The following CYTH3 variants were observed in gnomAD, a reference collection of about 807,000 sequenced individuals.
CYTH3 encodes the protein cytohesin 3.
CYTH3 carries 23 observed loss-of-function variants against 55.1 expected under a neutral mutation model. That is an observed-to-expected ratio of 0.42 (90% CI 0.30 to 0.59). The LOEUF is 0.59. CYTH3 is among the 20% of genes least tolerant of loss of function. CYTH3 has a pLI of 0.20. For missense variants in CYTH3, 413 were observed against 524.8 expected, an observed-to-expected ratio of 0.79 and a Z score of 2.08; for synonymous variants, 249 against 194.9, an observed-to-expected ratio of 1.28 and a Z score of -2.31.
intron 1 of CYTH3, among the ~76,000 whole-genome samples, chr7:6,259,214 C>G (rs1780214466): frequency 6.6e-6 from 1 of 152,164 alleles, no homozygotes; most frequent in Non-Finnish European, 1.5e-5. Flanking sequence ...CACTAATTAC[C>G]TAGATATTGG....
intron 1 of CYTH3, among the ~76,000 whole-genome samples, chr7:6,252,619 C>CAACAAAAAAGCTACAGCTG (rs1780002267): frequency 1.3e-5 from 2 of 151,980 alleles, no homozygotes; most frequent in Non-Finnish European, 2.9e-5. Context: ...ACATGAACAA[C>CAACAAAAAAGCTACAGCTG]AACAAAAAAG....
At chr7:6,242,525 C>T (rs1026570027) in intron 1 of CYTH3, among the ~76,000 whole-genome samples, 1 of 150,486 alleles carries the variant, frequency 6.6e-6, no homozygotes, top group Non-Finnish European at 1.5e-5. Context: ...TACAGGCACT[C>T]GTCACCACAC....
chr7:6,253,148 G>T (rs1414028016), intron 1 of CYTH3, among the ~76,000 whole-genome samples: 3 of 151,572 alleles, frequency 2.0e-5, no homozygotes, highest in African/African-American at 7.3e-5. Context: ...ATGCAATCTA[G>T]TCTATAGGAT....
intron 1 of CYTH3, among the ~76,000 whole-genome samples, chr7:6,221,135 C>G (rs1295812355): frequency 3.3e-5 from 5 of 152,096 alleles, no homozygotes; most frequent in African/African-American, 4.8e-5. Flanking sequence ...TCGTAATATC[C>G]TAAGACTGGA....
At chr7:6,189,068 T>C (rs1783731543) in intron 2 of CYTH3, among the ~76,000 whole-genome samples, 2 of 152,204 alleles carry the variant, frequency 1.3e-5, no homozygotes, top group South Asian at 4.1e-4. Flanking sequence ...GCAATGACAA[T>C]GACTAGAAAG....
chr7:6,238,373 G>A (rs1278679546), intron 1 of CYTH3, among the ~76,000 whole-genome samples: 1 of 151,998 alleles, frequency 6.6e-6, no homozygotes. Flanking sequence ...AAGAACAAAA[G>A]GACAGAGAAA....
Position 6,192,935 on chromosome 7 carries a change from C to A in CYTH3, c.35-2404G>T, listed in dbSNP as rs1368188951. On this transcript the variant is annotated intron_variant, in intron 1 of 12. Transcript: ENST00000350796. ...CCTGTAAGCCCAGCACTTTGGGAGG[C>A]AGAGACAGGTGGATCACCTGAGGTC... Among the ~76,000 whole-genome samples the A allele has an allele frequency of 5.3e-5, 8 of 151,690 alleles. No homozygotes were observed. The East Asian group carries it at 1.6e-3, about 30-fold the overall frequency.
At chr7:6,257,107 G>T (rs897925841) in intron 1 of CYTH3, among the ~76,000 whole-genome samples, 2 of 152,096 alleles carry the variant, frequency 1.3e-5, no homozygotes, top group African/African-American at 2.4e-5. Context: ...CCAACGTGAA[G>T]ATTTTTTTTT....
Position 6,271,485 on chromosome 7 carries a change from G to GAA in CYTH3, c.34+987_34+988dup, listed in dbSNP as rs377557223. Among the ~76,000 whole-genome samples the GAA allele has an allele frequency of 2.3e-4, 32 of 141,192 alleles. 1 individual carries two copies. The highest frequency in any genetic ancestry group is 1.6e-3 in the East Asian group (8 of 4,966). The allele number at this position is 141,192 out of a possible 152,430, so 92.6% of individuals were successfully genotyped here. On this transcript the variant is annotated intron_variant, in intron 1 of 12. Transcript: ENST00000350796. The stretch of plus-strand genomic sequence containing the variant: ...CTGTCAGCTCAAAGGAGATCTTCAG[G>GAA]AAAAAAAAAAAAAGTCTAGAGAACC...
intron 1 of CYTH3, among the ~76,000 whole-genome samples, chr7:6,259,785 ATATATATATATATATAT>A: frequency 6.9e-5 from 1 of 14,462 alleles, no homozygotes; most frequent in Admixed American, 1.4e-3. Flanking sequence ...TATATATATA[ATATATATATATATATAT>A]ATATATATAT....
chr7:6,227,151 T>C (rs975993462), intron 1 of CYTH3, among the ~76,000 whole-genome samples: 11 of 150,566 alleles, frequency 7.3e-5, no homozygotes, highest in African/African-American at 1.2e-4. Flanking sequence ...CATGAAATGA[T>C]AGAAGAGGCT....
chr7:6,263,180 A>G (rs1318049409), intron 1 of CYTH3, among the ~76,000 whole-genome samples: 2 of 152,178 alleles, frequency 1.3e-5, no homozygotes, highest in African/African-American at 4.8e-5. Context: ...TGAACCTAAT[A>G]TAACAGCTTT....
intron 1 of CYTH3, among the ~76,000 whole-genome samples, chr7:6,196,201 G>C (rs538179905): frequency 8.5e-5 from 13 of 152,228 alleles, no homozygotes; most frequent in African/African-American, 3.1e-4. Context: ...ATTTTACTGT[G>C]ATCGGCTAAA....
chr7:6,217,623 CTT>C (rs1295432064), intron 1 of CYTH3, among the ~76,000 whole-genome samples: 5 of 152,298 alleles, frequency 3.3e-5, no homozygotes, highest in Non-Finnish European at 2.9e-5. Flanking sequence ...GCCTTTCTCT[CTT>C]GTTAATAATT....
chr7:6,189,257 A>C (rs964945006), intron 2 of CYTH3, among the ~76,000 whole-genome samples: 1 of 151,962 alleles, frequency 6.6e-6, no homozygotes, highest in Non-Finnish European at 1.5e-5. Flanking sequence ...CTCTGAGTAA[A>C]GTACACAAGT....
chr7:6,177,249 G>A (rs1449675818), intron 5 of CYTH3, among the ~76,000 whole-genome samples: 4 of 152,104 alleles, frequency 2.6e-5, no homozygotes, highest in East Asian at 1.9e-4. Context: ...AACCAAAACC[G>A]CCCAACTTTA....
chr7:6,268,328 C>T (rs1489056562), intron 1 of CYTH3, among the ~76,000 whole-genome samples: 2 of 152,130 alleles, frequency 1.3e-5, no homozygotes, highest in African/African-American at 2.4e-5. Flanking sequence ...CCACCACTCC[C>T]GGCTAATTTT....
chr7:6,265,618 C>CA (rs111748997), intron 1 of CYTH3, among the ~76,000 whole-genome samples: 4,526 of 109,812 alleles, frequency 0.041, 166 homozygotes, highest in African/African-American at 0.11. Flanking sequence ...GACTCCATTT[C>CA]AAAAAAAAAA....
intron 2 of CYTH3, among the ~76,000 whole-genome samples, chr7:6,188,316 G>A (rs959219383): frequency 4.6e-5 from 7 of 150,974 alleles, no homozygotes; most frequent in African/African-American, 1.7e-4. Flanking sequence ...CTGGGTGACA[G>A]AGCAAGACTT....
Sources: allele counts gnomAD v4.1 joint callset (sites outside exome capture counted in the v4.1 genomes callset), GRCh38; gene constraint gnomAD v4.1.1; transcripts MANE v1.5; gene names NCBI Gene and HGNC (gene_info 2026-07-23, HGNC 2026-07-21).